Variants in TDRD3 observed in about 807,000 individuals in gnomAD.
TDRD3 encodes tudor domain containing 3.
A neutral mutation model predicts 86.7 loss-of-function variants in TDRD3; 45 were observed. That is an observed-to-expected ratio of 0.52 (90% CI 0.41 to 0.67). The LOEUF (loss-of-function observed/expected upper bound fraction) is 0.67, where lower values mean the gene tolerates loss of function less well. Ranked by LOEUF, TDRD3 falls within the 30% of genes least tolerant of loss-of-function variation. TDRD3 has a pLI of 0.00. For missense variants in TDRD3, 814 were observed against 889.0 expected (o/e 0.92, Z 1.07); for synonymous variants, 298 against 301.7 (o/e 0.99, Z 0.13).
intron 8 of TDRD3, among the ~76,000 whole-genome samples, chr13:60,500,896 C>T (rs552303893): frequency 3.9e-5 from 6 of 152,256 alleles, no homozygotes; most frequent in African/African-American, 7.2e-5. Context: ...GTGGACACCA[C>T]CTCAACCTCT....
chr13:60,439,814 A>G, intron 2 of TDRD3, 42 bp downstream of exon 2: 1 of 1,342,856 alleles, frequency 7.4e-7, no homozygotes, highest in Non-Finnish European at 1.0e-6. Flanking sequence ...GAAATCTGGA[A>G]GCTGTATTCA....
At chr13:60,490,010 T>C (rs1490041708) in intron 7 of TDRD3, among the ~76,000 whole-genome samples, 2 of 151,730 alleles carry the variant, frequency 1.3e-5, no homozygotes, top group African/African-American at 4.8e-5. Context: ...ACAATTGATA[T>C]TATATTTTCC....
intron 10 of TDRD3, among the ~76,000 whole-genome samples, chr13:60,520,583 T>C (rs1957267166): frequency 6.6e-6 from 1 of 152,240 alleles, no homozygotes. Flanking sequence ...ATTTCTTTCA[T>C]AGATTTTATT....
chr13:60,404,197 G>A (rs1249004801), intron 1 of TDRD3, among the ~76,000 whole-genome samples: 1 of 151,384 alleles, frequency 6.6e-6, no homozygotes, highest in Non-Finnish European at 1.5e-5. Flanking sequence ...CACTGTATAT[G>A]TTTTCTTTAA....
chr13:60,414,819 A>C (rs912014704), intron 1 of TDRD3, among the ~76,000 whole-genome samples: 1 of 152,104 alleles, frequency 6.6e-6, no homozygotes, highest in Non-Finnish European at 1.5e-5. Flanking sequence ...CATTGGTTTC[A>C]ATTGAGCATT....
chr13:60,540,989 C>G lies in TDRD3; in HGVS notation c.2118+5756C>G, dbSNP rs142421131. Among the ~76,000 whole-genome samples the G allele has an allele frequency of 6.8e-3, 1,035 of 152,142 alleles. 7 individuals are homozygous for G. The highest frequency in any genetic ancestry group is 0.023 in the African/African-American group (957 of 41,510). ...TCTGTTTCTAACTTTAATTACAATTCATAAAATAATTTAAGCCTCAAATTA... is the reference window on the plus strand; with the variant it reads ...TCTGTTTCTAACTTTAATTACAATTGATAAAATAATTTAAGCCTCAAATTA... On this transcript the variant is annotated intron_variant, in intron 12 of 13. Coordinates refer to ENST00000377881, the MANE Select transcript of TDRD3 (RefSeq NM_001146070.2).
chr13:60,540,370 A>G (rs1957783649), intron 12 of TDRD3, among the ~76,000 whole-genome samples: 1 of 152,170 alleles, frequency 6.6e-6, no homozygotes, highest in Non-Finnish European at 1.5e-5. Context: ...GTTGTGTTAG[A>G]TGGAGCTTTA....
At chr13:60,415,783 G>C (rs1021647358) in intron 1 of TDRD3, among the ~76,000 whole-genome samples, 3 of 152,150 alleles carry the variant, frequency 2.0e-5, no homozygotes, top group African/African-American at 7.2e-5. Context: ...GCCATGAAAA[G>C]ATCAGATTTG....
In TDRD3 at chr13:60,496,966, C is replaced by T. The variant is rs114198058; in HGVS notation, c.858+2391C>T. On this transcript the variant is annotated intron_variant, in intron 8 of 13. Transcript: ENST00000377881. ...TGCAGTGTTATAGCTCTGTTAGAAG[C>T]GGTGGGTCACGGAAGAAAACCGTGG... 6.8e-3 allele frequency among the ~76,000 whole-genome samples: 1,030 copies of T among 152,254 alleles called. 7 individuals are homozygous for T. The highest frequency in any genetic ancestry group is 0.023 in the African/African-American group (950 of 41,550).
chr13:60,459,162 G>A (rs1955747103), intron 3 of TDRD3, among the ~76,000 whole-genome samples: 1 of 152,096 alleles, frequency 6.6e-6, no homozygotes, highest in Non-Finnish European at 1.5e-5. Context: ...TTTCAACTTA[G>A]GAACATGCTT....
intron 8 of TDRD3, among the ~76,000 whole-genome samples, chr13:60,498,082 C>T (rs541228737): frequency 1.8e-4 from 27 of 152,170 alleles, no homozygotes; most frequent in Non-Finnish European, 3.2e-4. Context: ...GCCTGATCTC[C>T]CTTGGCTTAA....
intron 3 of TDRD3, among the ~76,000 whole-genome samples, chr13:60,451,890 G>A (rs1257141464): frequency 6.6e-6 from 1 of 152,086 alleles, no homozygotes; most frequent in Admixed American, 6.6e-5. Context: ...AAAATATCAT[G>A]TTGGAGTTTT....
At chr13:60,479,496 A>G (rs986808036) in intron 5 of TDRD3, among the ~76,000 whole-genome samples, 1 of 152,184 alleles carries the variant, frequency 6.6e-6, no homozygotes, top group East Asian at 1.9e-4. Context: ...AGGATTCTGC[A>G]TATGTTTATT....
chr13:60,494,387 T>C (rs1956666802), intron 7 of TDRD3, 48 bp from the exon 8 acceptor site: 1 of 1,470,830 alleles, frequency 6.8e-7, no homozygotes, highest in Non-Finnish European at 9.1e-7. Flanking sequence ...TAGAACTATT[T>C]TTAAATGCTG....
intron 12 of TDRD3, among the ~76,000 whole-genome samples, chr13:60,554,395 G>A (rs190866238): frequency 6.6e-6 from 1 of 152,112 alleles, no homozygotes; most frequent in African/African-American, 2.4e-5. Context: ...TTCTCTTTGA[G>A]CCTTAATTAA....
At chr13:60,530,752 G>A (rs976455255) in intron 11 of TDRD3, among the ~76,000 whole-genome samples, 5 of 152,002 alleles carry the variant, frequency 3.3e-5, no homozygotes, top group Non-Finnish European at 7.4e-5. Flanking sequence ...ACCACGCCCG[G>A]CCCAAAATAA....
intron 11 of TDRD3, among the ~76,000 whole-genome samples, chr13:60,532,258 A>T (rs1245881376): frequency 3.9e-5 from 6 of 152,204 alleles, no homozygotes; most frequent in African/African-American, 1.4e-4. Flanking sequence ...GTTTTGAGTG[A>T]TTGGAGCATT....
In TDRD3 at chr13:60,478,920, C is replaced by T. The variant is rs183851358; in HGVS notation, c.496-4855C>T. ...TGGGGTTCAAGCAATTCTCCTGCCT[C>T]AGTCTCCTAAGTAGCTGGAACTACA... On this transcript the variant is annotated intron_variant, in intron 5 of 13. Transcript: ENST00000377881. Among the ~76,000 whole-genome samples, 1,195 of 151,290 alleles carry T rather than the reference C, an allele frequency of 7.9e-3. 5 individuals carry two copies. The highest frequency in any genetic ancestry group is 0.014 in the Non-Finnish European group (923 of 67,888).
At chr13:60,571,683 C>A (rs181232810) in intron 13 of TDRD3, among the ~76,000 whole-genome samples, 25 of 152,244 alleles carry the variant, frequency 1.6e-4, no homozygotes, top group Non-Finnish European at 2.9e-4. Flanking sequence ...TTTGCACATT[C>A]TTTGATTATC....
Sources: gnomAD v4.1 joint callset for allele counts (sites outside exome capture counted in the v4.1 genomes callset) on GRCh38, gnomAD v4.1.1 for gene constraint, MANE v1.5 for transcripts, NCBI Gene and HGNC (gene_info 2026-07-23, HGNC 2026-07-21) for gene names.